Variants in HS3ST5 observed in about 807,000 individuals in gnomAD.
The protein encoded by HS3ST5 is heparan sulfate-glucosamine 3-sulfotransferase 5, also known as heparan sulfate glucosamine 3-O-sulfotransferase 5.
In HS3ST5, 10 loss-of-function variants were observed where a neutral mutation model predicts 25.4. That is an observed-to-expected ratio of 0.39 (90% CI 0.24 to 0.67). HS3ST5 has a LOEUF of 0.67. Among genes scored for constraint, HS3ST5 ranks in the 30% least tolerant of loss-of-function variants. The pLI is 0.44. For synonymous variants in HS3ST5, 170 were observed against 162.4 expected (o/e 1.05, Z -0.36); for missense variants, 324 against 420.7 (o/e 0.77, Z 2.01).
chr6:114,058,863 A>C (rs1464227513), intron 4 of HS3ST5: 1 of 152,232 alleles, frequency 6.6e-6, no homozygotes. Context: ...TTATATATCC[A>C]CTTTGCTGAA....
At chr6:114,254,834 C>T (rs1772831748) in intron 1 of HS3ST5, among the ~76,000 whole-genome samples, 1 of 152,126 alleles carries the variant, frequency 6.6e-6, no homozygotes, top group Non-Finnish European at 1.5e-5. Flanking sequence ...AATTATCTCC[C>T]ACTGGATCCC....
intron 1 of HS3ST5, among the ~76,000 whole-genome samples, chr6:114,274,063 G>A (rs1234025835): frequency 1.3e-5 from 2 of 151,954 alleles, no homozygotes; most frequent in African/African-American, 2.4e-5. Flanking sequence ...GTTCTCATGG[G>A]TAAGTACAAG....
At chr6:114,296,304 C>T (rs542909707) in intron 1 of HS3ST5, among the ~76,000 whole-genome samples, 1 of 152,178 alleles carries the variant, frequency 6.6e-6, no homozygotes, top group Non-Finnish European at 1.5e-5. Flanking sequence ...ACAACAGATT[C>T]ACTGAGGATT....
At chr6:114,341,589 C>CCG (rs5879260) in intron 1 of HS3ST5, among the ~76,000 whole-genome samples, 33,635 of 145,816 alleles carry the variant, frequency 0.23, 4,219 homozygotes, top group Middle Eastern at 0.32. Flanking sequence ...TGCATCCATC[C>CCG]CGCGCGCGCG....
At chr6:114,161,521 T>TCATATATATATATA (rs1778947740) in intron 3 of HS3ST5, among the ~76,000 whole-genome samples, 1 of 33,540 alleles carries the variant, frequency 3.0e-5, no homozygotes, top group South Asian at 1.6e-3. Context: ...TCCTGAAGTT[T>TCATATATATATATA]TATATATATA....
chr6:114,133,445 G>A (rs147848334), intron 3 of HS3ST5, among the ~76,000 whole-genome samples: 107 of 152,318 alleles, frequency 7.0e-4, no homozygotes, highest in African/African-American at 2.4e-3. Context: ...TATATACACA[G>A]TTGCACTTTA....
At chr6:114,136,156 TC>T (rs1777593650) in intron 3 of HS3ST5, among the ~76,000 whole-genome samples, 1 of 152,182 alleles carries the variant, frequency 6.6e-6, no homozygotes, top group Admixed American at 6.5e-5. Context: ...TCAGGCTACA[TC>T]CCCCTTTGAT....
chr6:114,258,439 G>A (rs920419056), intron 1 of HS3ST5, among the ~76,000 whole-genome samples: 2 of 152,198 alleles, frequency 1.3e-5, no homozygotes, highest in African/African-American at 4.8e-5. Context: ...CAGCAGCATA[G>A]TGACAAACAC....
chr6:114,290,016 T>C (rs1171043794), intron 1 of HS3ST5, among the ~76,000 whole-genome samples: 2 of 152,130 alleles, frequency 1.3e-5, no homozygotes, highest in Non-Finnish European at 2.9e-5. Flanking sequence ...CAACAACTTA[T>C]TATATAAGAA....
At chr6:114,235,038 G>A (rs748724780) in intron 1 of HS3ST5, among the ~76,000 whole-genome samples, 3 of 152,080 alleles carry the variant, frequency 2.0e-5, no homozygotes, top group African/African-American at 7.2e-5. Flanking sequence ...CAGGAGAATC[G>A]CTTGAACCTG....
chr6:114,079,562 G>T lies in HS3ST5; in HGVS notation c.-32-16685C>A, dbSNP rs9400691. On this transcript the variant is annotated intron_variant, in intron 3 of 4. Coordinates refer to ENST00000312719, the MANE Select transcript of HS3ST5 (RefSeq NM_153612.4). ...CAGTTACTTCCTCCACTGAAGTCTT[G>T]AAGTTCCCAAAGTCATTCATGAGGG... 5.5e-4 allele frequency among the ~76,000 whole-genome samples: 84 copies of T among 152,248 alleles called. 1 individual carries two copies. The East Asian group carries it at 0.014, about 26-fold the overall frequency.
At chr6:114,224,353 T>G (rs1035939800) in intron 2 of HS3ST5, among the ~76,000 whole-genome samples, 1 of 151,640 alleles carries the variant, frequency 6.6e-6, no homozygotes, top group African/African-American at 2.4e-5. Context: ...TGGTCTATTT[T>G]GGGTAACTTC....
At chr6:114,170,212 C>T (rs1779412415) in intron 2 of HS3ST5, among the ~76,000 whole-genome samples, 1 of 151,990 alleles carries the variant, frequency 6.6e-6, no homozygotes, top group Middle Eastern at 3.4e-3. Flanking sequence ...TTACATTGCA[C>T]TAGAAAAACT....
intron 1 of HS3ST5, among the ~76,000 whole-genome samples, chr6:114,336,985 C>G (rs1453014455): frequency 1.3e-5 from 2 of 152,234 alleles, no homozygotes; most frequent in Non-Finnish European, 2.9e-5. Flanking sequence ...CCTTGTATGC[C>G]TTTTTAAAAT....
At chr6:114,332,302 C>T (rs1262755214) in intron 1 of HS3ST5, among the ~76,000 whole-genome samples, 4 of 152,110 alleles carry the variant, frequency 2.6e-5, no homozygotes, top group Admixed American at 6.6e-5. Context: ...TTTCTTATAT[C>T]GTGCCCTCAC....
chr6:114,213,341 G>C (rs575794116), intron 2 of HS3ST5, among the ~76,000 whole-genome samples: 252 of 147,826 alleles, frequency 1.7e-3, no homozygotes, highest in Non-Finnish European at 3.2e-3. Flanking sequence ...GGATGGCGGC[G>C]GGGGTGGGGG....
At chr6:114,239,879 C>G (rs1483757738) in intron 1 of HS3ST5, among the ~76,000 whole-genome samples, 1 of 152,086 alleles carries the variant, frequency 6.6e-6, no homozygotes, top group Non-Finnish European at 1.5e-5. Flanking sequence ...CCAACAAAAA[C>G]GTATAGCATA....
At chr6:114,267,032 C>T (rs930211431) in intron 1 of HS3ST5, among the ~76,000 whole-genome samples, 1 of 152,082 alleles carries the variant, frequency 6.6e-6, no homozygotes, top group Non-Finnish European at 1.5e-5. Context: ...TACAAAAATG[C>T]CAGCCTTTGC....
chr6:114,171,660 C>T (rs1187556408), intron 2 of HS3ST5, among the ~76,000 whole-genome samples: 4 of 152,140 alleles, frequency 2.6e-5, no homozygotes, highest in Admixed American at 6.5e-5. Context: ...CTAAGGAATA[C>T]GTAATTCATA....
Sources: gnomAD v4.1 joint callset for allele counts (sites outside exome capture counted in the v4.1 genomes callset) on GRCh38, gnomAD v4.1.1 for gene constraint, MANE v1.5 for transcripts, NCBI Gene and HGNC (gene_info 2026-07-23, HGNC 2026-07-21) for gene names.